OXR1: variants seen among roughly 807,000 people sequenced by gnomAD.
The protein encoded by OXR1 is oxidation resistance 1, also known as oxidation resistance protein 1.
OXR1 carries 41 observed loss-of-function variants against 104.6 expected under a neutral mutation model. That is an observed-to-expected ratio of 0.39 (90% CI 0.31 to 0.51). OXR1 has a LOEUF of 0.51. OXR1 is among the 20% of genes least tolerant of loss of function. The probability of loss-of-function intolerance (pLI) is 0.77; values close to 1 mark genes in which losing one functional copy is unlikely to be tolerated. For synonymous variants in OXR1, 348 were observed against 348.4 expected (o/e 1.00, Z 0.01); for missense variants, 955 against 1,031.9 (o/e 0.93, Z 1.02).
chr8:106,702,719 C>G (rs1000879540), intron 7 of OXR1, among the ~76,000 whole-genome samples, 187 bp from the exon 8 acceptor site: 1 of 152,020 alleles, frequency 6.6e-6, no homozygotes, highest in African/African-American at 2.4e-5. Context: ...TTCTACCTCT[C>G]CTAAAGAGGA....
intron 3 of OXR1, among the ~76,000 whole-genome samples, chr8:106,671,381 A>G (rs1826963127): frequency 6.6e-6 from 1 of 152,194 alleles, no homozygotes; most frequent in African/African-American, 2.4e-5. Flanking sequence ...TGACTATCTT[A>G]AAAATAATGT....
intron 11 of OXR1, among the ~76,000 whole-genome samples, chr8:106,717,242 A>T (rs1187383630): frequency 6.6e-6 from 1 of 152,226 alleles, no homozygotes; most frequent in Non-Finnish European, 1.5e-5. Flanking sequence ...TACTCATTTA[A>T]GTGAAAGAGT....
rs1381282419 is a variant in OXR1 at position 106,500,067 on chromosome 8, GT to G, written c.24-18875del. 4.6e-5 allele frequency among the ~76,000 whole-genome samples: 7 copies of G among 152,250 alleles called. No individual in the cohort carries two copies. The East Asian group carries it at 1.3e-3, about 29-fold the overall frequency. On this transcript the variant is annotated intron_variant, in intron 2 of 16. Transcript: ENST00000517566. ...CTGGCTGTATGCTGTATGGATTTTT[GT>G]GCTACAAATCATCATCAAGTGTAGA...
intron 2 of OXR1, among the ~76,000 whole-genome samples, chr8:106,455,006 G>C (rs957215720): frequency 3.3e-5 from 5 of 152,120 alleles, no homozygotes; most frequent in African/African-American, 1.2e-4. Flanking sequence ...ACTTTTGTCT[G>C]TACCCTTGCT....
At chr8:106,499,413 C>T (rs1205124546) in intron 2 of OXR1, among the ~76,000 whole-genome samples, 1 of 152,010 alleles carries the variant, frequency 6.6e-6, no homozygotes, top group African/African-American at 2.4e-5. Context: ...GTAAAATATC[C>T]TTCCTCTTTG....
At chr8:106,369,525 T>C (rs1816619158) in intron 2 of OXR1, among the ~76,000 whole-genome samples, 1 of 152,214 alleles carries the variant, frequency 6.6e-6, no homozygotes, top group African/African-American at 2.4e-5. Flanking sequence ...GTTTTTATGG[T>C]TTGGGGTTTT....
chr8:106,290,648 CT>C (rs1327528643), intron 1 of OXR1, among the ~76,000 whole-genome samples: 1 of 152,118 alleles, frequency 6.6e-6, no homozygotes, highest in East Asian at 1.9e-4. Flanking sequence ...TTCACAGACA[CT>C]TCTGAAAGGA....
intron 3 of OXR1, among the ~76,000 whole-genome samples, chr8:106,672,450 G>C (rs1175811977): frequency 6.6e-6 from 1 of 151,474 alleles, no homozygotes; most frequent in Non-Finnish European, 1.5e-5. Context: ...TCGTGCCACT[G>C]TACTCCAGCC....
chr8:106,737,538 T>A lies in OXR1; in HGVS notation c.1975T>A (p.Tyr659Asn). The A allele has an allele frequency of 1.4e-6, 2 of 1,390,826 alleles. No homozygotes were observed. The highest frequency in any genetic ancestry group is 1.9e-6 in the Non-Finnish European group (2 of 1,062,042). 86.2% of individuals were successfully genotyped at this position (1,390,826 alleles called of 1,614,324 possible). The change falls in exon 12 of 17, where the codon TAT becomes AAT. Residue 659 changes from tyrosine to asparagine, a missense_variant. Tyr to Asn is a moderately radical substitution (Grantham distance 143). This residue lies in a region of OXR1 where 849 missense variants were observed against 852.9 expected (regional missense o/e 1.00). Transcript: ENST00000517566. ...TATTTAGGTAGTGTCAGTGGCTGAG[T>A]ATCACCGCAGGATCGATGCTCTAAA... ...REWEVVSVAE[Y>N]HRRIDALNTE...
At chr8:106,394,848 A>G (rs1817714326) in intron 2 of OXR1, among the ~76,000 whole-genome samples, 3 of 152,134 alleles carry the variant, frequency 2.0e-5, no homozygotes, top group Admixed American at 1.3e-4. Context: ...GACTCTATAC[A>G]TTTCTCGAAG....
chr8:106,414,796 T>A (rs1441221203), intron 2 of OXR1, among the ~76,000 whole-genome samples: 1 of 152,092 alleles, frequency 6.6e-6, no homozygotes, highest in Admixed American at 6.6e-5. Flanking sequence ...GTTAGCAACA[T>A]GTTGTAAAGG....
chr8:106,619,343 A>G (rs1454794771), intron 3 of OXR1, among the ~76,000 whole-genome samples: 1 of 151,880 alleles, frequency 6.6e-6, no homozygotes, highest in East Asian at 1.9e-4. Flanking sequence ...TCATAAGACA[A>G]TTTATTTATG....
intron 2 of OXR1, among the ~76,000 whole-genome samples, chr8:106,498,642 AGT>A (rs1198139184): frequency 6.6e-6 from 1 of 151,708 alleles, no homozygotes; most frequent in Non-Finnish European, 1.5e-5. Context: ...TGTGTGTGTG[AGT>A]GTGTGTGTGA....
At chr8:106,461,440 G>A (rs1187019637) in intron 2 of OXR1, among the ~76,000 whole-genome samples, 4 of 151,956 alleles carry the variant, frequency 2.6e-5, no homozygotes, top group African/African-American at 4.8e-5. Context: ...GCATGGTGGC[G>A]TGTACCTGTA....
chr8:106,641,655 T>C (rs934665842), intron 3 of OXR1, among the ~76,000 whole-genome samples: 2 of 152,102 alleles, frequency 1.3e-5, no homozygotes, highest in African/African-American at 4.8e-5. Context: ...GTAATCTTAA[T>C]AAGAAAGCAA....
chr8:106,749,656 A>T (rs533720881), intron 16 of OXR1, among the ~76,000 whole-genome samples: 7 of 152,256 alleles, frequency 4.6e-5, no homozygotes, highest in East Asian at 1.9e-4. Flanking sequence ...CATATTTTTT[A>T]AAAAAGCCTC....
chr8:106,678,944 A>T (rs1827870336), intron 3 of OXR1, among the ~76,000 whole-genome samples: 1 of 152,024 alleles, frequency 6.6e-6, no homozygotes, highest in South Asian at 2.1e-4. Flanking sequence ...TTTAGTTTTT[A>T]ATGACTTCCT....
intron 3 of OXR1, among the ~76,000 whole-genome samples, chr8:106,608,731 C>A (rs1014552874): frequency 2.0e-5 from 3 of 152,104 alleles, no homozygotes; most frequent in African/African-American, 7.2e-5. Context: ...ATTCTTTGAC[C>A]AAAACACCCA....
intron 2 of OXR1, among the ~76,000 whole-genome samples, chr8:106,460,339 T>C (rs1486496422): frequency 6.6e-6 from 1 of 152,228 alleles, no homozygotes; most frequent in Non-Finnish European, 1.5e-5. Flanking sequence ...AGTGCCTTCA[T>C]CTTTTTATAT....
Sources: allele counts gnomAD v4.1 joint callset (sites outside exome capture counted in the v4.1 genomes callset), GRCh38; gene constraint gnomAD v4.1.1; regional missense constraint gnomAD v4.1.1; transcripts MANE v1.5; gene names NCBI Gene and HGNC (gene_info 2026-07-23, HGNC 2026-07-21).